Variants in DPP10 observed in about 807,000 individuals in gnomAD.
DPP10 encodes the protein inactive dipeptidyl peptidase 10.
DPP10 carries 33 observed loss-of-function variants against 120.9 expected under a neutral mutation model. That is an observed-to-expected ratio of 0.27 (90% CI 0.21 to 0.37). The LOEUF (loss-of-function observed/expected upper bound fraction) is 0.37, where lower values mean the gene tolerates loss of function less well. Among genes scored for constraint, DPP10 ranks in the 10% least tolerant of loss-of-function variants. The pLI is 1.00. For missense variants in DPP10, 816 were observed against 942.8 expected, an observed-to-expected ratio of 0.87 and a Z score of 1.76; for synonymous variants, 337 against 326.1, an observed-to-expected ratio of 1.03 and a Z score of -0.36.
At chr2:114,897,428 T>A (rs1305344001) in intron 1 of DPP10, among the ~76,000 whole-genome samples, 1 of 152,290 alleles carries the variant, frequency 6.6e-6, no homozygotes, top group East Asian at 1.9e-4. Context: ...ATTCAGGACA[T>A]AGGCATGGGC....
At chr2:115,378,811 A>C (rs939874224) in intron 3 of DPP10, among the ~76,000 whole-genome samples, 26 of 152,248 alleles carry the variant, frequency 1.7e-4, no homozygotes, top group Middle Eastern at 3.4e-3. Context: ...TGAGATAATC[A>C]TGTGGTTTTT....
chr2:114,876,045 G>A (rs939367214), intron 1 of DPP10, among the ~76,000 whole-genome samples: 7 of 151,864 alleles, frequency 4.6e-5, no homozygotes, highest in African/African-American at 9.7e-5. Flanking sequence ...TGCAAACTAC[G>A]GATAAAGTAA....
chr2:115,596,998 T>TG (rs1334769234), intron 5 of DPP10, among the ~76,000 whole-genome samples: 1 of 152,182 alleles, frequency 6.6e-6, no homozygotes, highest in Non-Finnish European at 1.5e-5. Flanking sequence ...TTGGTGAATA[T>TG]GGGAAGAAAA....
At chr2:115,150,465 C>T (rs1031718802) in intron 1 of DPP10, among the ~76,000 whole-genome samples, 3 of 151,962 alleles carry the variant, frequency 2.0e-5, no homozygotes, top group African/African-American at 7.2e-5. Flanking sequence ...ATTATACACA[C>T]AACAGAAAAA....
intron 3 of DPP10, among the ~76,000 whole-genome samples, chr2:115,488,746 G>A (rs1276348686): frequency 8.0e-6 from 1 of 124,358 alleles, no homozygotes; most frequent in East Asian, 2.5e-4. Context: ...CGGGGGAGGG[G>A]GGAGGGATAG....
intron 5 of DPP10, among the ~76,000 whole-genome samples, chr2:115,534,284 T>C (rs1575115011): frequency 6.6e-6 from 1 of 151,828 alleles, no homozygotes; most frequent in African/African-American, 2.4e-5. Flanking sequence ...CAACAGTCCC[T>C]AGAGTGTGAT....
At chr2:114,980,108 A>G (rs1699991029) in intron 1 of DPP10, among the ~76,000 whole-genome samples, 2 of 152,070 alleles carry the variant, frequency 1.3e-5, no homozygotes, top group Non-Finnish European at 2.9e-5. Context: ...AGCTTTATCA[A>G]TGTATAACTG....
chr2:115,777,152 A>C, intron 13 of DPP10, 56 bp from the exon 14 acceptor site: 1 of 1,505,642 alleles, frequency 6.6e-7, no homozygotes, highest in Admixed American at 1.7e-5. Flanking sequence ...ATTCGTGTTT[A>C]CCAGAGAGAT....
At chr2:114,593,780 A>G (rs74393030) in intron 1 of DPP10, among the ~76,000 whole-genome samples, 10,485 of 152,104 alleles carry the variant, frequency 0.069, 400 homozygotes, top group Non-Finnish European at 0.096. Context: ...GGAGAAGTGA[A>G]GAAAGCAATG....
chr2:115,498,185 A>G (rs1043611733), intron 3 of DPP10, among the ~76,000 whole-genome samples: 17 of 152,100 alleles, frequency 1.1e-4, no homozygotes, highest in African/African-American at 3.6e-4. Context: ...TAAGGTCAAG[A>G]ACTACTGGCC....
At chr2:114,948,181 T>G (rs986172568) in intron 1 of DPP10, among the ~76,000 whole-genome samples, 1 of 152,098 alleles carries the variant, frequency 6.6e-6, no homozygotes, top group Admixed American at 6.6e-5. Flanking sequence ...ACTTAATTGT[T>G]CAGCTCACTC....
intron 1 of DPP10, among the ~76,000 whole-genome samples, chr2:114,820,917 A>G (rs1030118892): frequency 6.6e-6 from 1 of 152,180 alleles, no homozygotes; most frequent in Admixed American, 6.5e-5. Context: ...GTGGAGGAAC[A>G]CCCGGTTCTT....
intron 1 of DPP10, among the ~76,000 whole-genome samples, chr2:114,538,412 C>T (rs1686690459): frequency 1.3e-5 from 2 of 152,162 alleles, no homozygotes; most frequent in Non-Finnish European, 2.9e-5. Flanking sequence ...GGAATTGAGA[C>T]TCACAGAGCT....
chr2:115,349,129 G>A (rs542375645), intron 3 of DPP10, among the ~76,000 whole-genome samples: 104 of 152,164 alleles, frequency 6.8e-4, no homozygotes, highest in African/African-American at 2.3e-3. Context: ...TTTGCAAAAT[G>A]GCATGCTGGG....
intron 1 of DPP10, among the ~76,000 whole-genome samples, chr2:114,678,504 G>A (rs12479364): frequency 0.038 from 5,815 of 151,988 alleles, 149 homozygotes; most frequent in South Asian, 0.083. Context: ...TCTGGACTCC[G>A]GCACATGTGC....
intron 5 of DPP10, among the ~76,000 whole-genome samples, chr2:115,539,427 G>A (rs1450276430): frequency 6.6e-6 from 1 of 151,958 alleles, no homozygotes; most frequent in Non-Finnish European, 1.5e-5. Context: ...TAGTGTTGAA[G>A]TCAGTGAGCC....
chr2:114,462,714 G>A (rs372449881), intron 1 of DPP10, among the ~76,000 whole-genome samples: 1 of 152,090 alleles, frequency 6.6e-6, no homozygotes, highest in African/African-American at 2.4e-5. Flanking sequence ...CCCCTGCTTC[G>A]CACACCATAC....
intron 1 of DPP10, among the ~76,000 whole-genome samples, chr2:114,570,442 A>G (rs1689544599): frequency 6.6e-6 from 1 of 152,118 alleles, no homozygotes; most frequent in Non-Finnish European, 1.5e-5. Context: ...AACTCAAAAC[A>G]ATCCAACATA....
intron 5 of DPP10, among the ~76,000 whole-genome samples, chr2:115,642,633 A>C (rs1402103996): frequency 1.3e-5 from 2 of 149,414 alleles, no homozygotes; most frequent in African/African-American, 2.5e-5. Context: ...CAATCTCTCT[A>C]TCTCCCTCTC....
Sources: allele counts gnomAD v4.1 joint callset (sites outside exome capture counted in the v4.1 genomes callset), GRCh38; gene constraint gnomAD v4.1.1; transcripts MANE v1.5; gene names NCBI Gene and HGNC (gene_info 2026-07-23, HGNC 2026-07-21).